The following IRAG2 variants were observed in gnomAD, a reference collection of about 807,000 sequenced individuals.
IRAG2 encodes the protein lymphoid restricted membrane protein.
IRAG2 carries 45 observed loss-of-function variants against 69.9 expected under a neutral mutation model. That is an observed-to-expected ratio of 0.64 (90% confidence interval 0.51 to 0.83). The LOEUF (loss-of-function observed/expected upper bound fraction) is 0.83. Ranked by LOEUF, IRAG2 falls within the 40% of genes least tolerant of loss-of-function variation. The probability of loss-of-function intolerance (pLI) is 0.00; values close to 1 mark genes in which losing one functional copy is unlikely to be tolerated. For missense variants in IRAG2, 520 were observed against 587.0 expected, an observed-to-expected ratio of 0.89 and a Z score of 1.18; for synonymous variants, 193 against 202.4, an observed-to-expected ratio of 0.95 and a Z score of 0.40.
At chr12:25,033,529 C>T (rs1944684356) in intron 12 of IRAG2, among the ~76,000 whole-genome samples, 1 of 152,190 alleles carries the variant, frequency 6.6e-6, no homozygotes, top group Admixed American at 6.5e-5. Flanking sequence ...ACGGTATGGA[C>T]CTAATCTGGC....
intron 9 of IRAG2, among the ~76,000 whole-genome samples, chr12:25,080,750 A>C (rs554670963): frequency 6.6e-6 from 1 of 152,346 alleles, no homozygotes; most frequent in South Asian, 2.1e-4. Context: ...AATCCATTTC[A>C]TGGGTTAATT....
chr12:25,107,108 G>A (rs747458837), intron 21 of IRAG2, 58 bp downstream of exon 21: 8 of 902,952 alleles, frequency 8.9e-6, no homozygotes, highest in Non-Finnish European at 1.4e-5. Flanking sequence ...GGGTGAGGCA[G>A]GGCTGACAGT....
At chr12:25,090,309 A>C in intron 14 of IRAG2, 112 bp downstream of exon 14, 3 of 946,422 alleles carry the variant, frequency 3.2e-6, no homozygotes, top group Non-Finnish European at 4.7e-6. Context: ...TGGGAGACCA[A>C]GGCAGGAGGA....
At chr12:25,085,427 C>T (rs998824557) in intron 10 of IRAG2, among the ~76,000 whole-genome samples, 10 of 152,202 alleles carry the variant, frequency 6.6e-5, no homozygotes, top group African/African-American at 2.4e-4. Context: ...GCTAAACTCC[C>T]CTTGGCATCC....
upstream of IRAG2, chr12:25,052,690 A>G (rs1258157034): frequency 1.3e-5 from 5 of 397,800 alleles, no homozygotes; most frequent in Middle Eastern, 1.2e-3. Context: ...TTCCCTGAGA[A>G]GAAAAACACA....
upstream of IRAG2, among the ~76,000 whole-genome samples, chr12:25,047,542 C>T (rs1051435543): frequency 6.6e-6 from 1 of 152,052 alleles, no homozygotes; most frequent in Non-Finnish European, 1.5e-5. Context: ...TAGTGGTTTG[C>T]TGCACAGATC....
chr12:25,010,183 A>G (rs1262242748), intron 2 of IRAG2, among the ~76,000 whole-genome samples: 3 of 152,192 alleles, frequency 2.0e-5, no homozygotes, highest in Non-Finnish European at 4.4e-5. Context: ...CAAATAAAAT[A>G]ATGCAATTCT....
chr12:25,036,190 C>G (rs545836271), intron 14 of IRAG2, among the ~76,000 whole-genome samples: 1 of 152,302 alleles, frequency 6.6e-6, no homozygotes, highest in Admixed American at 6.5e-5. Context: ...TATTTTCATA[C>G]TGGTATTGCC....
intron 15 of IRAG2, chr12:25,036,820 G>C: frequency 2.5e-6 from 1 of 394,498 alleles, no homozygotes; most frequent in Non-Finnish European, 4.5e-6. Context: ...AGTATAGACT[G>C]TGTGTCCAGG....
chr12:25,015,053 A>G, intron 3 of IRAG2: 1 of 448,668 alleles, frequency 2.2e-6, no homozygotes, highest in East Asian at 3.7e-5. Flanking sequence ...ACTCAGAAGG[A>G]ATTACCTAAA....
chr12:25,012,776 C>G (rs140983647), intron 3 of IRAG2, among the ~76,000 whole-genome samples: 1,754 of 152,092 alleles, frequency 0.012, 23 homozygotes, highest in Non-Finnish European at 0.017. Context: ...TGAAGTGAGC[C>G]GAGATCGTGC....
intron 15 of IRAG2, 43 bp from the exon 16 acceptor site, chr12:25,101,135 G>A: frequency 6.5e-7 from 1 of 1,540,480 alleles, no homozygotes; most frequent in Non-Finnish European, 8.8e-7. Flanking sequence ...TTAATTGAGA[G>A]TAGTATTTTC....
Position 25,019,522 on chromosome 12 carries a change from C to G in IRAG2, c.1215-1268C>G, listed in dbSNP as rs1385163933. Among the ~76,000 whole-genome samples the G allele has an allele frequency of 3.3e-5, 5 of 152,354 alleles. No individual in the cohort carries two copies. The East Asian group carries it at 9.6e-4, about 29-fold the overall frequency. ...GGCCAAACTTCTCTCTGACCTTAGTCTCTGATGTCCAGCTGCCTCTTCTCC... is the reference window on the plus strand; with the variant it reads ...GGCCAAACTTCTCTCTGACCTTAGTGTCTGATGTCCAGCTGCCTCTTCTCC... On this transcript the variant is annotated intron_variant, in intron 6 of 38. Transcript: ENST00000636465.
chr12:25,021,741 T>G lies in IRAG2; in HGVS notation c.1332+834T>G, dbSNP rs1944582878. Among the ~76,000 whole-genome samples the G allele has an allele frequency of 4.6e-5, 7 of 152,254 alleles. No individual in the cohort carries two copies. In the South Asian group the frequency reaches 1.4e-3, roughly 31 times the overall value. ...CGACTAATTTGTTTCAGGTATCAGT[T>G]GCAAAACTGTTTTTAGAGTCTCTAA... is the stretch of plus-strand genomic sequence containing the variant. On this transcript the variant is annotated intron_variant, in intron 7 of 38. Coordinates refer to the IRAG2 transcript ENST00000636465.
At chr12:25,096,809 T>C (rs10842464) in intron 14 of IRAG2, 101 bp from the exon 15 acceptor site, 476,941 of 821,082 alleles carry the variant, frequency 0.58, 146,764 homozygotes, top group East Asian at 0.9. Context: ...ACCGAAATAA[T>C]TGAGATTAGA....
At chr12:25,026,690 C>A in intron 8 of IRAG2, 1 of 471,796 alleles carries the variant, frequency 2.1e-6, no homozygotes, top group Non-Finnish European at 3.4e-6. Context: ...AAAGGCAATA[C>A]TGAGAGTGAT....
In IRAG2 at chr12:25,108,231, A is replaced by G. The variant is rs11047837; in HGVS notation, c.*171A>G. 88,567 of 670,326 alleles carry G rather than the reference A, an allele frequency of 0.13. 6,858 individuals carry two copies. The highest frequency in any genetic ancestry group is 0.17 in the Admixed American group (5,612 of 32,894). The allele number at this position is 670,326 out of a possible 1,614,324, so 41.5% of individuals were successfully genotyped here. A position where few individuals can be genotyped will look rare whatever the true frequency, so the allele number is the denominator to read the frequency against. On this transcript the variant is annotated 3_prime_UTR_variant, in exon 22 of 22. Transcript: ENST00000556887. ...CCTTTATCTCCCCAACTAAAATACA[A>G]TGGGGAAGAAGTCTGCCTATGATCT...
chr12:25,036,500 A>G (rs1163506164), intron 14 of IRAG2: 6 of 397,240 alleles, frequency 1.5e-5, no homozygotes, highest in East Asian at 3.6e-5. Flanking sequence ...TGAGTTACCT[A>G]TATAGTAGAA....
intron 16 of IRAG2, among the ~76,000 whole-genome samples, chr12:25,045,431 C>T (rs1192411876): frequency 6.6e-6 from 1 of 151,700 alleles, no homozygotes; most frequent in Non-Finnish European, 1.5e-5. Context: ...AATAGAAAAG[C>T]AATTAAAAAG....
Sources: allele counts gnomAD v4.1 joint callset (sites outside exome capture counted in the v4.1 genomes callset), GRCh38; gene constraint gnomAD v4.1.1; transcripts MANE v1.5; gene names NCBI Gene and HGNC (gene_info 2026-07-23, HGNC 2026-07-21).